FHIP1A: variants seen among roughly 807,000 people sequenced by gnomAD.
FHIP1A encodes FHF complex subunit HOOK-interacting protein 1A.
Under a neutral mutation model 88.6 loss-of-function variants are expected in FHIP1A, and 61 were observed. That is an observed-to-expected ratio of 0.69 (90% CI 0.56 to 0.85). The LOEUF is 0.85. Among genes scored for constraint, FHIP1A ranks in the 40% least tolerant of loss-of-function variants. The pLI is 0.00. For missense variants in FHIP1A, 1,154 were observed against 1,273.5 expected (o/e 0.91, Z 1.43); for synonymous variants, 478 against 496.0 (o/e 0.96, Z 0.48).
At chr4:151,521,818 A>G (rs780193039) in intron 3 of FHIP1A, among the ~76,000 whole-genome samples, 8 of 152,098 alleles carry the variant, frequency 5.3e-5, no homozygotes, top group Non-Finnish European at 1.0e-4. Flanking sequence ...TTGGCCTCCC[A>G]GGTTCAAGTG....
intron 7 of FHIP1A, among the ~76,000 whole-genome samples, chr4:151,620,778 A>G (rs1735709594): frequency 6.6e-6 from 1 of 150,628 alleles, no homozygotes; most frequent in Non-Finnish European, 1.5e-5. Context: ...TTTAACTTCA[A>G]CAAGTGCATG....
chr4:151,538,888 A>G (rs559619471), intron 3 of FHIP1A, among the ~76,000 whole-genome samples: 42 of 152,338 alleles, frequency 2.8e-4, no homozygotes, highest in African/African-American at 9.4e-4. Context: ...CTGGCTGCCA[A>G]TTTGTAATAG....
intron 3 of FHIP1A, among the ~76,000 whole-genome samples, chr4:151,549,490 A>G (rs1269980306): frequency 6.6e-5 from 4 of 60,796 alleles, no homozygotes; most frequent in Non-Finnish European, 1.5e-4. Flanking sequence ...GACTCTGTCT[A>G]AAAAAAAAAA....
chr4:151,473,354 T>C (rs1729593559), intron 2 of FHIP1A, among the ~76,000 whole-genome samples: 1 of 152,116 alleles, frequency 6.6e-6, no homozygotes, highest in Admixed American at 6.6e-5. Context: ...GCTTTATTAA[T>C]AGTTAATGCT....
At chr4:151,639,663 C>T (rs550389514) in intron 9 of FHIP1A, among the ~76,000 whole-genome samples, 16 of 152,234 alleles carry the variant, frequency 1.1e-4, no homozygotes, top group African/African-American at 3.6e-4. Flanking sequence ...CTGCAAGAAG[C>T]GGACCCAGAG....
chr4:151,545,575 C>CTCTACTAAACTCT (rs2126734852), intron 3 of FHIP1A, among the ~76,000 whole-genome samples: 1 of 151,894 alleles, frequency 6.6e-6, no homozygotes, highest in Admixed American at 6.6e-5. Context: ...GATGGGGTTT[C>CTCTACTAAACTCT]ACCATGTTAG....
At chr4:151,602,572 C>T (rs918517306) in intron 7 of FHIP1A, among the ~76,000 whole-genome samples, 2 of 151,910 alleles carry the variant, frequency 1.3e-5, no homozygotes, top group African/African-American at 4.8e-5. Context: ...GTAGGGAGGG[C>T]GTGGAGGAGT....
At chr4:151,426,238 C>A (rs1210265858) in intron 1 of FHIP1A, among the ~76,000 whole-genome samples, 3 of 152,030 alleles carry the variant, frequency 2.0e-5, no homozygotes, top group Non-Finnish European at 4.4e-5. Context: ...TGAAAATTTC[C>A]ATAATAAAAA....
At chr4:151,439,831 C>T (rs922949171) in intron 1 of FHIP1A, among the ~76,000 whole-genome samples, 2 of 152,138 alleles carry the variant, frequency 1.3e-5, no homozygotes, top group African/African-American at 4.8e-5. Flanking sequence ...TTGTTGTTTT[C>T]TTATAAATTA....
intron 4 of FHIP1A, among the ~76,000 whole-genome samples, chr4:151,570,400 A>G (rs1241219398): frequency 1.3e-5 from 2 of 152,172 alleles, no homozygotes; most frequent in African/African-American, 4.8e-5. Flanking sequence ...ATGTTCAAGC[A>G]TTAACCTGAG....
At chr4:151,567,315 G>T (rs940724759) in intron 4 of FHIP1A, among the ~76,000 whole-genome samples, 7 of 152,182 alleles carry the variant, frequency 4.6e-5, no homozygotes, top group African/African-American at 1.7e-4. Context: ...ACAGCACACT[G>T]GTTAAAGCAC....
intron 3 of FHIP1A, among the ~76,000 whole-genome samples, chr4:151,511,159 TG>T (rs1731013855): frequency 6.6e-6 from 1 of 152,174 alleles, no homozygotes; most frequent in African/African-American, 2.4e-5. Context: ...TGAAATAATA[TG>T]TATTATTCAA....
chr4:151,438,974 A>C (rs1212586073), intron 1 of FHIP1A, among the ~76,000 whole-genome samples: 3 of 152,134 alleles, frequency 2.0e-5, no homozygotes, highest in African/African-American at 7.2e-5. Flanking sequence ...TGTAGTTGAA[A>C]ACATATCTTT....
chr4:151,483,615 A>G (rs866083886), intron 3 of FHIP1A, among the ~76,000 whole-genome samples: 2 of 152,166 alleles, frequency 1.3e-5, no homozygotes, highest in Non-Finnish European at 2.9e-5. Flanking sequence ...GGGGGAAGGG[A>G]GGCTTAGGGA....
intron 6 of FHIP1A, among the ~76,000 whole-genome samples, chr4:151,587,945 C>T (rs1262888980): frequency 3.3e-5 from 5 of 151,982 alleles, no homozygotes; most frequent in Non-Finnish European, 5.9e-5. Flanking sequence ...TATATACACA[C>T]AGAGAGATTA....
chr4:151,451,437 G>A (rs1239098083), intron 1 of FHIP1A, among the ~76,000 whole-genome samples: 2 of 152,088 alleles, frequency 1.3e-5, no homozygotes, highest in African/African-American at 4.8e-5. Flanking sequence ...TTTGGTATAA[G>A]GAATGCTGAG....
chr4:151,509,785 G>A (rs1730964098), intron 3 of FHIP1A, among the ~76,000 whole-genome samples: 1 of 151,482 alleles, frequency 6.6e-6, no homozygotes, highest in Non-Finnish European at 1.5e-5. Flanking sequence ...GTGTGTGTGT[G>A]TGTAGGTATA....
At chr4:151,606,682 C>T (rs1321863281) in intron 7 of FHIP1A, among the ~76,000 whole-genome samples, 1 of 152,208 alleles carries the variant, frequency 6.6e-6, no homozygotes, top group Non-Finnish European at 1.5e-5. Flanking sequence ...TTTTTAATCA[C>T]TGAAGGCTCC....
chr4:151,602,422 T>C (rs956918047), intron 7 of FHIP1A, among the ~76,000 whole-genome samples: 1 of 152,156 alleles, frequency 6.6e-6, no homozygotes, highest in South Asian at 2.1e-4. Context: ...CTCTGTCATC[T>C]CCATGGAGTT....
Sources: allele counts gnomAD v4.1 joint callset (sites outside exome capture counted in the v4.1 genomes callset), GRCh38; gene constraint gnomAD v4.1.1; transcripts MANE v1.5; gene names NCBI Gene and HGNC (gene_info 2026-07-23, HGNC 2026-07-21).